Variants in THBS3 observed in about 807,000 individuals in gnomAD.
THBS3 encodes the protein thrombospondin-3.
THBS3 carries 78 observed loss-of-function variants against 118.3 expected under a neutral mutation model. The ratio of observed to expected loss-of-function variants is 0.66; its 90% CI spans 0.55 to 0.80. THBS3 has a LOEUF of 0.80. Ranked by LOEUF, THBS3 falls within the 30% of genes least tolerant of loss-of-function variation. The pLI, the probability that THBS3 is intolerant of heterozygous loss-of-function variation, is 0.00. For missense variants in THBS3, 1,057 were observed against 1,247.4 expected (o/e 0.85, Z 2.30); for synonymous variants, 427 against 475.3 (o/e 0.90, Z 1.32).
At chr1:155,207,551 A>G (rs1670739270) in intron 1 of THBS3, among the ~76,000 whole-genome samples, 1 of 152,156 alleles carries the variant, frequency 6.6e-6, no homozygotes, top group African/African-American at 2.4e-5. Context: ...CTGAGCATCC[A>G]GTTCCTGAGT....
At position 155,206,141 on chromosome 1, in the gene THBS3, G is replaced by T; in HGVS notation, c.286+59C>A. The T allele has an allele frequency of 6.3e-7, 1 of 1,580,266 alleles. No individual in the cohort carries two copies. Among genetic ancestry groups the T allele is most frequent in the Non-Finnish European group, 8.7e-7 (1 of 1,154,136 alleles). On this transcript the variant is annotated intron_variant, in intron 2 of 22. Coordinates refer to ENST00000368378, the MANE Select transcript of THBS3 (RefSeq NM_007112.5). The surrounding 1 kb of genome is among the most constrained non-coding windows in gnomAD (Gnocchi z 4.2). The stretch of plus-strand genomic sequence containing the variant: ...AATGAGGAAGCACTTGGGAAGTAGG[G>T]ATGAGGGAGAGTGCTTAAGGAGGTC...
intron 5 of THBS3, 69 bp from the exon 6 acceptor site, chr1:155,203,374 G>A: frequency 6.3e-7 from 1 of 1,590,136 alleles, no homozygotes; most frequent in Non-Finnish European, 8.6e-7. Flanking sequence ...TGGGCAATAA[G>A]CCAGTACCTG....
Position 155,206,364 on chromosome 1 carries a change from GC to G in THBS3, c.121del (p.Ala41LeufsTer50). 4.3e-6 allele frequency: 7 copies of G among 1,614,154 alleles called. No individual in the cohort carries two copies. The highest frequency in any genetic ancestry group is 5.9e-6 in the Non-Finnish European group (7 of 1,180,034). On this transcript the variant is annotated frameshift_variant, in exon 2 of 23. Coordinates refer to ENST00000368378, the MANE Select transcript of THBS3 (RefSeq NM_007112.5). LOFTEE classifies it high-confidence loss of function. This position sits in a 1 kb window ranked among gnomAD's most constrained non-coding sequence, Gnocchi z 4.2. ...LTVGESRQMV[A>X]VAEKIRTALL... ...GGCTGTCCGGATCTTCTCTGCCACA[GC>G]TACCATCTGCCGAGACTCGCCCACA...
In THBS3 at chr1:155,199,335, G is replaced by A. The variant is rs532347830; in HGVS notation, c.1880+469C>T. Reference sequence around the variant, plus strand: ...TGAGGCAGAAGAATGGCGTGAACTCGGGAGGTGGAGCTTGCAGTGAGCCGA... The same window carrying A: ...TGAGGCAGAAGAATGGCGTGAACTCAGGAGGTGGAGCTTGCAGTGAGCCGA... On this transcript the variant is annotated intron_variant, in intron 16 of 22. Coordinates refer to ENST00000368378, the MANE Select transcript of THBS3 (RefSeq NM_007112.5). Among the ~76,000 whole-genome samples the A allele has an allele frequency of 1.2e-4, 18 of 151,634 alleles. No individual in the cohort carries two copies. In the South Asian group the frequency reaches 2.7e-3, roughly 23 times the overall value.
intron 1 of THBS3, among the ~76,000 whole-genome samples, 171 bp downstream of exon 1, chr1:155,207,627 C>A (rs552590207): frequency 6.6e-6 from 1 of 152,350 alleles, no homozygotes; most frequent in South Asian, 2.1e-4. Context: ...CCGGTGCCCA[C>A]TCCTCTCCAC....
Position 155,200,588 on chromosome 1 carries a change from T to C in THBS3, c.1571A>G (p.Asn524Ser). 6.2e-7 allele frequency: 1 copy of C among 1,614,172 alleles called. No homozygotes were observed. Among genetic ancestry groups the C allele is most frequent in the Non-Finnish European group, 8.5e-7 (1 of 1,180,030 alleles). The change falls in exon 14 of 23, where the codon AAC (asparagine) becomes AGC (serine). Residue 524 changes from asparagine (N) to serine (S), a missense_variant. Around this residue, in one of 3 missense-constraint regions of THBS3, gnomAD observed 544 missense variants for 715.6 expected, o/e 0.76. Coordinates refer to ENST00000368378, the MANE Select transcript of THBS3 (RefSeq NM_007112.5). ...TGTATCTGAGTTCTGCTGGTCTTTGTTGGGGAACAGCCGGCAGTTGTCCTG... is the reference window on the plus strand; with the variant it reads ...TGTATCTGAGTTCTGCTGGTCTTTGCTGGGGAACAGCCGGCAGTTGTCCTG... The part of the protein sequence containing the change: ...NVEDNCRLFP[N>S]KDQQNSDTDS...
rs1669082776 is a variant in THBS3 at position 155,198,532 on chromosome 1, C to CA, written c.1950dup (p.Asp651Ter). 6.2e-7 allele frequency: 1 copy of CA among 1,614,132 alleles called. No homozygotes were observed. The highest frequency in any genetic ancestry group is 8.5e-7 in the Non-Finnish European group (1 of 1,180,046). On this transcript the variant is annotated frameshift_variant, in exon 17 of 23. Transcript: ENST00000368378. LOFTEE classifies it high-confidence loss of function. Reference sequence around the variant, plus strand: ...CACTCATCTCCAAGTCCATCGTTATCAGAGTCCAGCTGGGAGCTATTTGGC... The same window carrying CA: ...CACTCATCTCCAAGTCCATCGTTATCAAGAGTCCAGCTGGGAGCTATTTGGC...
At position 155,200,055 on chromosome 1, in the gene THBS3, C is replaced by T; in HGVS notation, c.1767G>A (p.Arg589=). 6.2e-7 allele frequency: 1 copy of T among 1,603,086 alleles called. No individual in the cohort carries two copies. The change falls in exon 15 of 23, where the codon AGG becomes AGA. Residue 589 remains arginine (R), a synonymous_variant. Transcript: ENST00000368378. ...AAGCATCTCCCACCCCGTCCTCATC[C>T]CTGTCTGTCTGTAGTGGGTTGGGGA... ...PKVPNPLQTD[R]DEDGVGDACD... is the part of the protein sequence containing the mutation.
intron 10 of THBS3, 69 bp from the exon 11 acceptor site, chr1:155,201,638 C>T (rs1669746147): frequency 3.3e-6 from 5 of 1,533,492 alleles, no homozygotes; most frequent in South Asian, 1.2e-5. Context: ...CAGCACTGCT[C>T]CACCTGCGGA....
At position 155,206,267 on chromosome 1, in the gene THBS3, A is replaced by G. The variant is rs762899231; in HGVS notation, c.219T>C (p.Phe73=). 1.9e-6 allele frequency: 3 copies of G among 1,614,176 alleles called. No homozygotes were observed. The Admixed American group carries it at 5.0e-5, about 27-fold the overall frequency. Residue 73 remains phenylalanine (F), a synonymous_variant, in exon 2 of 23, where the codon TTT becomes TTC. Coordinates refer to ENST00000368378, the MANE Select transcript of THBS3 (RefSeq NM_007112.5). The surrounding 1 kb of genome is among the most constrained non-coding windows in gnomAD (Gnocchi z 4.2). ...RLPPKQGGVL[F]GLYSRQDNTR... is the part of the protein sequence containing the mutation. Reference sequence around the variant, plus strand: ...TGTTGTCTTGGCGAGAATAGAGGCCAAAGAGGACACCACCCTGCTTGGGGG... The same window carrying G: ...TGTTGTCTTGGCGAGAATAGAGGCCGAAGAGGACACCACCCTGCTTGGGGG...
chr1:155,203,825 GC>G (rs537822288), intron 4 of THBS3, among the ~76,000 whole-genome samples: 10 of 152,000 alleles, frequency 6.6e-5, no homozygotes, highest in Non-Finnish European at 1.5e-4. Flanking sequence ...CAGGGCCAGG[GC>G]CCCAGTATAT....
In THBS3 at chr1:155,202,713, T is replaced by C; in HGVS notation, c.957+99A>G. The C allele has an allele frequency of 6.7e-7, 1 of 1,489,846 alleles. No individual in the cohort carries two copies. The highest frequency in any genetic ancestry group is 1.3e-5 in the South Asian group (1 of 74,690). The allele number at this position is 1,489,846 out of a possible 1,614,324, so 92.3% of individuals were successfully genotyped here. On this transcript the variant is annotated intron_variant, in intron 8 of 22. Coordinates refer to ENST00000368378, the MANE Select transcript of THBS3 (RefSeq NM_007112.5). The surrounding 1 kb of genome is among the most constrained non-coding windows in gnomAD (Gnocchi z 5.5). ...CCTCTGACCTCTCCTAAACTCCAGA[T>C]TCCTCTCCTCCGGACCAGCATTTAT... is the stretch of plus-strand genomic sequence containing the variant.
Position 155,200,615 on chromosome 1 carries a change from G to A in THBS3, c.1549-5C>T, listed in dbSNP as rs751177176. ...GGGGAACAGCCGGCAGTTGTCCTGG[G>A]CAGAGGGGTGGGAGGGGAAGGGTCA... On this transcript the variant is annotated splice_region_variant and splice_polypyrimidine_tract_variant and intron_variant, in intron 13 of 22. Coordinates refer to ENST00000368378, the MANE Select transcript of THBS3 (RefSeq NM_007112.5). The A allele has an allele frequency of 3.7e-6, 6 of 1,613,282 alleles. No homozygotes were observed. The East Asian group carries it at 1.1e-4, about 30-fold the overall frequency.
upstream of THBS3, chr1:155,207,991 G>A: frequency 2.2e-6 from 1 of 456,874 alleles, no homozygotes; most frequent in South Asian, 1.9e-5. Context: ...GGGCCAGCAG[G>A]CGGGTGAGGG....
chr1:155,196,004 A>C lies in THBS3; in HGVS notation c.2795T>G (p.Leu932Arg), dbSNP rs1164493026. ...FSQENIIWSN[L>R]QYRCNDTVPE... is the part of the protein sequence containing the mutation. ...CACCTCACCATTGCATCGATACTGGAGATTGGACCAAATTATGTTTTCTTG... is the reference window on the plus strand; with the variant it reads ...CACCTCACCATTGCATCGATACTGGCGATTGGACCAAATTATGTTTTCTTG... The change falls in exon 22 of 23, where the codon CTC (leucine) becomes CGC (arginine). Residue 932 changes from leucine to arginine, a missense_variant. Transcript: ENST00000368378. 6.2e-7 allele frequency: 1 copy of C among 1,614,036 alleles called. No homozygotes were observed. The highest frequency in any genetic ancestry group is 8.5e-7 in the Non-Finnish European group (1 of 1,180,024).
At position 155,199,847 on chromosome 1, in the gene THBS3, C is replaced by G; in HGVS notation, c.1837G>C (p.Asp613His). ...EMSNPTQTDA[D>H]SDLVGDVCDT... ...CAGACATCCCCCACCAGGTCGCTGT[C>G]TGCATCTGTCTGAGAGAGAGGGACC... Residue 613 changes from aspartate (D) to histidine (H), a missense_variant, in exon 16 of 23, where the codon GAC (aspartate) becomes CAC (histidine). Coordinates refer to ENST00000368378, the MANE Select transcript of THBS3 (RefSeq NM_007112.5). 6.2e-7 allele frequency: 1 copy of G among 1,614,254 alleles called. No homozygotes were observed. The highest frequency in any genetic ancestry group is 8.5e-7 in the Non-Finnish European group (1 of 1,180,042).
At chr1:155,207,952 C>T (rs887647533), upstream of THBS3, 55 of 1,376,222 alleles carry the variant, frequency 4.0e-5, no homozygotes, top group Admixed American at 1.7e-4. Context: ...GAGCAGGAGC[C>T]GGGGGGCGGA....
intron 11 of THBS3, 79 bp downstream of exon 11, chr1:155,201,338 C>T (rs1470988001): frequency 2.2e-5 from 35 of 1,569,280 alleles, no homozygotes; most frequent in Admixed American, 5.3e-5. Context: ...TATGAAGACC[C>T]CCAACCCAGG....
Position 155,207,891 on chromosome 1 carries a change from T to C in THBS3, c.-15A>G. 5 of 1,612,748 alleles carry C rather than the reference T, an allele frequency of 3.1e-6. No individual in the cohort carries two copies. The highest frequency in any genetic ancestry group is 3.3e-4 in the Middle Eastern group (2 of 6,038). On this transcript the variant is annotated 5_prime_UTR_variant, in exon 1 of 23. Transcript: ENST00000368378. ...TGCGTCTCCATGCCTCTCAGCCGGCTCACTACCCCTGGCAGGCAGGCAGCT... is the reference window on the plus strand; with the variant it reads ...TGCGTCTCCATGCCTCTCAGCCGGCCCACTACCCCTGGCAGGCAGGCAGCT...
Sources: gnomAD v4.1 joint callset for allele counts (sites outside exome capture counted in the v4.1 genomes callset) on GRCh38, gnomAD v4.1.1 for gene constraint, gnomAD v4.1.1 regional missense constraint, Gnocchi (gnomAD v3.1) non-coding constraint, MANE v1.5 for transcripts, NCBI Gene and HGNC (gene_info 2026-07-23, HGNC 2026-07-21) for gene names.